The following GABRB3 variants were observed in gnomAD, a reference collection of about 807,000 sequenced individuals.
GABRB3 encodes the protein gamma-aminobutyric acid receptor subunit beta-3.
Under a neutral mutation model 52.1 loss-of-function variants are expected in GABRB3, and 14 were observed. That is an observed-to-expected ratio of 0.27 (90% CI 0.18 to 0.42). GABRB3 has a LOEUF of 0.42. Ranked by LOEUF, GABRB3 falls within the 10% of genes least tolerant of loss-of-function variation. GABRB3 has a pLI of 1.00. For missense variants in GABRB3, 307 were observed against 609.1 expected (o/e 0.50, Z 5.22); for synonymous variants, 260 against 232.3 (o/e 1.12, Z -1.08).
At chr15:26,699,790 A>G (rs1657194216) in intron 3 of GABRB3, among the ~76,000 whole-genome samples, 1 of 152,162 alleles carries the variant, frequency 6.6e-6, no homozygotes. Flanking sequence ...AAAGAGCGTA[A>G]GTGAGATTTT....
chr15:26,615,343 C>G (rs890272668), intron 4 of GABRB3: 17 of 985,478 alleles, frequency 1.7e-5, no homozygotes, highest in Non-Finnish European at 1.9e-5. Context: ...CATACCCTGT[C>G]CAGAGCATTC....
At chr15:26,701,053 CAAAA>C (rs35441212) in intron 3 of GABRB3, among the ~76,000 whole-genome samples, 1 of 143,924 alleles carries the variant, frequency 6.9e-6, no homozygotes, top group Non-Finnish European at 1.5e-5. Flanking sequence ...AGACTCGTCT[CAAAA>C]AAAAAAACAA....
Position 26,560,928 on chromosome 15 carries a change from C to T in GABRB3, c.1080+4G>A, listed in dbSNP as rs1889957380. ...AGGTGGGGTCAAGGTGGTGGAGAGC[C>T]TACCCGGTTGCTTTCGCTCTTTGAA... On this transcript the variant is annotated splice_donor_region_variant and intron_variant, in intron 8 of 8. Coordinates refer to ENST00000311550, the MANE Select transcript of GABRB3 (RefSeq NM_000814.6). The T allele has an allele frequency of 6.2e-7, 1 of 1,613,600 alleles. No homozygotes were observed. The highest frequency in any genetic ancestry group is 8.5e-7 in the Non-Finnish European group (1 of 1,180,010).
chr15:26,579,585 A>C (rs8026256), intron 6 of GABRB3, among the ~76,000 whole-genome samples: 2,564 of 152,358 alleles, frequency 0.017, 63 homozygotes, highest in African/African-American at 0.056. Context: ...ATTTTCAACC[A>C]AGAGTTGGTG....
intron 4 of GABRB3, among the ~76,000 whole-genome samples, chr15:26,585,511 A>G (rs1014929851): frequency 6.7e-6 from 1 of 149,932 alleles, no homozygotes; most frequent in African/African-American, 2.5e-5. Context: ...ATGTCCTTCC[A>G]TTAGCATCTG....
intron 3 of GABRB3, among the ~76,000 whole-genome samples, chr15:26,664,397 T>G (rs536291511): frequency 1.3e-5 from 2 of 152,052 alleles, no homozygotes; most frequent in Admixed American, 1.3e-4. Flanking sequence ...ATGTTCAGGG[T>G]GTTTTAGTTG....
intron 3 of GABRB3, among the ~76,000 whole-genome samples, chr15:26,748,520 C>A (rs1715688777): frequency 6.6e-6 from 1 of 151,962 alleles, no homozygotes; most frequent in Non-Finnish European, 1.5e-5. Flanking sequence ...TCGTGGTATT[C>A]CCTTATTTTC....
chr15:26,642,036 C>T (rs566836585), intron 3 of GABRB3, among the ~76,000 whole-genome samples: 1 of 152,160 alleles, frequency 6.6e-6, no homozygotes, highest in Non-Finnish European at 1.5e-5. Context: ...ACTACAGGCC[C>T]TCACCTCTGT....
chr15:26,678,563 TGAGA>T (rs541862935), intron 3 of GABRB3, among the ~76,000 whole-genome samples: 11 of 133,182 alleles, frequency 8.3e-5, no homozygotes, highest in Non-Finnish European at 1.3e-4. Flanking sequence ...AGAATGAGAG[TGAGA>T]GAGAGAGAGA....
At chr15:26,580,562 G>A in intron 5 of GABRB3, 106 bp from the exon 6 acceptor site, 1 of 1,434,196 alleles carries the variant, frequency 7.0e-7, no homozygotes, top group South Asian at 1.1e-5. Flanking sequence ...TATGTTTTGA[G>A]TAGATTTGCT....
intron 6 of GABRB3, among the ~76,000 whole-genome samples, chr15:26,571,056 C>T (rs1890375916): frequency 1.3e-5 from 2 of 152,110 alleles, no homozygotes. Context: ...GCTCAACATC[C>T]TTATTGAATT....
chr15:26,551,417 C>T lies in GABRB3; in HGVS notation c.1081-3283G>A, dbSNP rs563437478. ...GCCCGTGAATAACTGCTCCCTCGGCCACTGCAACATATCTTGAGGTTTTCC... is the reference window on the plus strand; with the variant it reads ...GCCCGTGAATAACTGCTCCCTCGGCTACTGCAACATATCTTGAGGTTTTCC... On this transcript the variant is annotated intron_variant, in intron 8 of 8. Transcript: ENST00000311550. Among the ~76,000 whole-genome samples the T allele has an allele frequency of 2.0e-5, 3 of 152,314 alleles. No individual in the cohort carries two copies. In the South Asian group the frequency reaches 6.2e-4, roughly 32 times the overall value.
At chr15:26,642,612 TC>T (rs988763710) in intron 3 of GABRB3, 24 of 675,864 alleles carry the variant, frequency 3.6e-5, no homozygotes, top group Non-Finnish European at 4.6e-5. Flanking sequence ...CTACACATAA[TC>T]CCCCCTCCTC....
chr15:26,677,086 C>T (rs1365552224), intron 3 of GABRB3, among the ~76,000 whole-genome samples: 2 of 152,126 alleles, frequency 1.3e-5, no homozygotes, highest in African/African-American at 4.8e-5. Flanking sequence ...AGTTGGATCC[C>T]AGTTGCCTCT....
chr15:26,594,255 CT>C (rs1228202356), intron 4 of GABRB3, among the ~76,000 whole-genome samples: 2 of 151,840 alleles, frequency 1.3e-5, no homozygotes, highest in African/African-American at 4.8e-5. Context: ...ATGTTTTCCT[CT>C]TTCTTTGTAT....
At chr15:26,560,852 A>G (rs1347377806) in intron 8 of GABRB3, 80 bp downstream of exon 8, 12 of 1,598,688 alleles carry the variant, frequency 7.5e-6, no homozygotes, top group Non-Finnish European at 8.6e-6. Flanking sequence ...TGGGGAAAAA[A>G]CAAAGAAATA....
At chr15:26,749,842 A>G (rs1178938764) in intron 3 of GABRB3, 3 of 152,136 alleles carry the variant, frequency 2.0e-5, no homozygotes, top group Non-Finnish European at 4.4e-5. Flanking sequence ...GGATACATGA[A>G]AGGCAAAAAG....
At chr15:26,742,102 T>C (rs1490777450) in intron 3 of GABRB3, among the ~76,000 whole-genome samples, 1 of 152,204 alleles carries the variant, frequency 6.6e-6, no homozygotes, top group Non-Finnish European at 1.5e-5. Flanking sequence ...GAAGCACATT[T>C]TCCCATATCC....
rs771467852 is a variant in GABRB3 at position 26,602,955 on chromosome 15, C to CA, written c.461+18358dup. Among the ~76,000 whole-genome samples, 127 of 151,540 alleles carry CA rather than the reference C, an allele frequency of 8.4e-4. 1 individual carries two copies. The highest frequency in any genetic ancestry group is 1.5e-3 in the Admixed American group (23 of 15,218). ...TGAATTTGAAATGAAGAAAGCAATA[C>CA]AAAAGTTCAATGAAACTAAAAGTTT... On this transcript the variant is annotated intron_variant, in intron 4 of 8. Transcript: ENST00000311550.
Sources: gnomAD v4.1 joint callset for allele counts (sites outside exome capture counted in the v4.1 genomes callset) on GRCh38, gnomAD v4.1.1 for gene constraint, MANE v1.5 for transcripts, NCBI Gene and HGNC (gene_info 2026-07-23, HGNC 2026-07-21) for gene names.